Variants in INTS6 observed in about 807,000 individuals in gnomAD.
The protein encoded by INTS6 is integrator complex subunit 6.
A neutral mutation model predicts 104.9 loss-of-function variants in INTS6; 16 were observed. The ratio of observed to expected loss-of-function variants is 0.15; its 90% CI spans 0.10 to 0.23. The LOEUF is 0.23. Among genes scored for constraint, INTS6 ranks in the 10% least tolerant of loss-of-function variants. INTS6 has a pLI of 1.00. For missense variants in INTS6, 584 were observed against 1,062.8 expected (o/e 0.55, Z 6.26); for synonymous variants, 324 against 358.7 (o/e 0.90, Z 1.09).
chr13:51,345,325 A>C, the INTS6 span, among the ~76,000 whole-genome samples: 1 of 152,164 alleles, frequency 6.6e-6, no homozygotes, highest in East Asian at 1.9e-4. Flanking sequence ...TTCAAGACCC[A>C]GTGTTGGTTA....
chr13:51,335,985 C>T, the INTS6 span: 1 of 152,126 alleles, frequency 6.6e-6, no homozygotes, highest in Non-Finnish European at 1.5e-5. Context: ...AACAGTGTGA[C>T]TATGTGGCAT....
chr13:51,364,358 A>G lies in INTS6; in HGVS notation c.*1394T>C. 1 of 791,336 alleles carries G rather than the reference A, an allele frequency of 1.3e-6. No individual in the cohort carries two copies. The highest frequency in any genetic ancestry group is 1.9e-6 in the Non-Finnish European group (1 of 520,182). The allele number at this position is 791,336 out of a possible 1,614,324, so 49.0% of individuals were successfully genotyped here. On this transcript the variant is annotated 3_prime_UTR_variant, in exon 18 of 18. Transcript: ENST00000311234. Reference sequence around the variant, plus strand: ...CATTTTGCTATACCCTTGAAATTTAAAAAAATGTCTGATAAAGTGTAAAAA... The same window carrying G: ...CATTTTGCTATACCCTTGAAATTTAGAAAAATGTCTGATAAAGTGTAAAAA...
chr13:51,395,291 A>T lies in INTS6; in HGVS notation c.613+9T>A. 6.3e-7 allele frequency: 1 copy of T among 1,583,106 alleles called. No individual in the cohort carries two copies. Among genetic ancestry groups the T allele is most frequent in the South Asian group, 1.2e-5 (1 of 86,216 alleles). ...TAAGTTACCAAATTACTGCCAGCAA[A>T]AAACTTACCGCCTGTCACTTCACAC... On this transcript the variant is annotated intron_variant, in intron 5 of 17. Transcript: ENST00000311234.
the INTS6 span, chr13:51,339,469 T>TC: frequency 2.0e-5 from 3 of 152,210 alleles, no homozygotes; most frequent in Non-Finnish European, 2.9e-5. Context: ...TGGCTGGCTC[T>TC]CCCCCCACGG....
At chr13:51,382,462 A>G (rs974510732) in intron 9 of INTS6, among the ~76,000 whole-genome samples, 1 of 152,242 alleles carries the variant, frequency 6.6e-6, no homozygotes, top group African/African-American at 2.4e-5. Flanking sequence ...TATTTTGACT[A>G]TAACTTTTAA....
chr13:51,428,513 G>T (rs1201950556), intron 4 of INTS6, among the ~76,000 whole-genome samples: 4 of 151,606 alleles, frequency 2.6e-5, no homozygotes, highest in Non-Finnish European at 1.5e-5. Context: ...TTTTGGTAGA[G>T]ACAGGGTTTC....
intron 3 of INTS6, among the ~76,000 whole-genome samples, chr13:51,434,327 A>G (rs1045120908): frequency 1.3e-5 from 2 of 152,222 alleles, no homozygotes; most frequent in African/African-American, 4.8e-5. Flanking sequence ...TAAAAACAAT[A>G]TAACTTCAAC....
intron 4 of INTS6, among the ~76,000 whole-genome samples, chr13:51,406,790 A>G (rs959130406): frequency 1.3e-5 from 2 of 152,132 alleles, no homozygotes; most frequent in African/African-American, 4.8e-5. Flanking sequence ...GCTCTAAGCC[A>G]AGCTTGTCCA....
At position 51,451,017 on chromosome 13, in the gene INTS6, C is replaced by A. The variant is rs1953031772; in HGVS notation, c.339+8G>T. 2 of 1,493,738 alleles carry A rather than the reference C, an allele frequency of 1.3e-6. No homozygotes were observed. Among genetic ancestry groups the A allele is most frequent in the South Asian group, 1.4e-5 (1 of 70,286 alleles). The allele number at this position is 1,493,738 out of a possible 1,614,324, so 92.5% of individuals were successfully genotyped here. Reference sequence around the variant, plus strand: ...TCAACTATTTTGCCACCTTATTATTCAACCTACCTGCCCATAGTTGTCTAT... The same window carrying A: ...TCAACTATTTTGCCACCTTATTATTAAACCTACCTGCCCATAGTTGTCTAT... On this transcript the variant is annotated splice_region_variant and intron_variant, in intron 3 of 17. Coordinates refer to ENST00000311234, the MANE Select transcript of INTS6 (RefSeq NM_012141.3).
intron 4 of INTS6, among the ~76,000 whole-genome samples, chr13:51,405,698 T>C (rs1189287194): frequency 6.6e-6 from 1 of 152,126 alleles, no homozygotes; most frequent in Non-Finnish European, 1.5e-5. Context: ...GTAAAAAAGC[T>C]TGAATTATGC....
At chr13:51,376,748 A>G (rs1955939782) in intron 12 of INTS6, among the ~76,000 whole-genome samples, 1 of 152,146 alleles carries the variant, frequency 6.6e-6, no homozygotes, top group African/African-American at 2.4e-5. Context: ...TTCAATTAGC[A>G]TGATGTTTTT....
rs561286595 is a variant in INTS6 at position 51,425,529 on chromosome 13, A to G, written c.429+4765T>C. On this transcript the variant is annotated intron_variant, in intron 4 of 17. Transcript: ENST00000311234. ...TAGAAATCTCAATATTTGAAAGACA[A>G]TACTACTATTAGCACTTTCAAGGAA... 5.9e-5 allele frequency among the ~76,000 whole-genome samples: 9 copies of G among 152,218 alleles called. No homozygotes were observed. The East Asian group carries it at 1.5e-3, about 26-fold the overall frequency.
chr13:51,439,757 A>C (rs928581963), intron 3 of INTS6: 1 of 152,250 alleles, frequency 6.6e-6, no homozygotes, highest in Non-Finnish European at 1.5e-5. Flanking sequence ...AAAAAACTGG[A>C]TAGCTACTTA....
chr13:51,435,717 T>C (rs1210125001), intron 3 of INTS6, among the ~76,000 whole-genome samples: 1 of 152,068 alleles, frequency 6.6e-6, no homozygotes, highest in African/African-American at 2.4e-5. Context: ...GAAAATGTAG[T>C]GGAGGAGGGG....
intron 10 of INTS6, 119 bp from the exon 11 acceptor site, chr13:51,379,691 G>A (rs1956007793): frequency 1.2e-5 from 6 of 498,330 alleles, no homozygotes; most frequent in Non-Finnish European, 1.8e-5. Flanking sequence ...CCTCAATAAG[G>A]AAGTAACACA....
the INTS6 span, among the ~76,000 whole-genome samples, chr13:51,338,307 C>T: frequency 2.6e-5 from 4 of 152,186 alleles, no homozygotes; most frequent in Non-Finnish European, 5.9e-5. Flanking sequence ...ATCTAAAATA[C>T]GCAGGCAGTG....
At chr13:51,344,222 TG>T in the INTS6 span, 1 of 1,564,796 alleles carries the variant, frequency 6.4e-7, no homozygotes, top group Non-Finnish European at 8.8e-7. Flanking sequence ...CACTCACCAT[TG>T]TCAACTTATC....
At chr13:51,335,505 G>C in the INTS6 span, among the ~76,000 whole-genome samples, 4 of 152,186 alleles carry the variant, frequency 2.6e-5, no homozygotes, top group African/African-American at 9.7e-5. Context: ...GCAGAGATGT[G>C]GGGTGTTGGC....
chr13:51,381,964 G>C lies in INTS6; in HGVS notation c.1275+65C>G. 4 of 1,039,208 alleles carry C rather than the reference G, an allele frequency of 3.8e-6. No homozygotes were observed. The South Asian group carries it at 5.5e-5, about 14-fold the overall frequency. The allele number at this position is 1,039,208 out of a possible 1,614,324, so 64.4% of individuals were successfully genotyped here. On this transcript the variant is annotated intron_variant, in intron 10 of 17. Transcript: ENST00000311234. Reference sequence around the variant, plus strand: ...GATCCACCCGCCTCGGCCTCCCAAAGTGCTGGGATTACAGGCGTGAGTCAC... The same window carrying C: ...GATCCACCCGCCTCGGCCTCCCAAACTGCTGGGATTACAGGCGTGAGTCAC...
Sources: gnomAD v4.1 joint callset for allele counts (sites outside exome capture counted in the v4.1 genomes callset) on GRCh38, gnomAD v4.1.1 for gene constraint, MANE v1.5 for transcripts, NCBI Gene and HGNC (gene_info 2026-07-23, HGNC 2026-07-21) for gene names.